FRMPD4: variants seen among roughly 807,000 people sequenced by gnomAD.
FRMPD4 encodes FERM and PDZ domain-containing protein 4.
In FRMPD4, 22 loss-of-function variants were observed where a neutral mutation model predicts 94.1. That is an observed-to-expected ratio of 0.23 (90% CI 0.17 to 0.33). FRMPD4 has a LOEUF of 0.33. Ranked by LOEUF, FRMPD4 falls within the 10% of genes least tolerant of loss-of-function variation. FRMPD4 has a pLI of 1.00. For missense variants in FRMPD4, 1,111 were observed against 1,339.9 expected, an observed-to-expected ratio of 0.83 and a Z score of 2.67; for synonymous variants, 631 against 548.6, an observed-to-expected ratio of 1.15 and a Z score of -2.10.
intron 1 of FRMPD4, among the ~76,000 whole-genome samples, chrX:12,243,168 C>T (rs936764611): frequency 8.9e-6 from 1 of 112,419 alleles, no homozygotes; most frequent in Non-Finnish European, 1.9e-5. Flanking sequence ...AGGTGTGAGC[C>T]ACTGGACCTG....
intron 1 of FRMPD4, among the ~76,000 whole-genome samples, chrX:12,199,267 GTGTA>G (rs200023135): frequency 0.061 from 6,101 of 99,742 alleles, 389 homozygotes; most frequent in East Asian, 0.4. Context: ...GTGTGTGTGT[GTGTA>G]TGTGTGTGTG....
At chrX:12,207,759 C>G (rs1276488088) in intron 1 of FRMPD4, among the ~76,000 whole-genome samples, 1 of 109,725 alleles carries the variant, frequency 9.1e-6, no homozygotes, top group Non-Finnish European at 1.9e-5. Context: ...AGGGGGAATC[C>G]TGGAAATGGA....
At chrX:12,062,293 G>A (rs1021135550) in intron 3 of FRMPD4, among the ~76,000 whole-genome samples, 3 of 111,199 alleles carry the variant, frequency 2.7e-5, no homozygotes, top group Non-Finnish European at 3.8e-5. Flanking sequence ...GTAGCTTTAT[G>A]GTATTCCAAA....
At chrX:12,525,477 C>T (rs2058213191) in intron 2 of FRMPD4, among the ~76,000 whole-genome samples, 1 of 111,615 alleles carries the variant, frequency 9.0e-6, no homozygotes, top group Non-Finnish European at 1.9e-5. Flanking sequence ...TATGTTCCAA[C>T]CTGACTCTGG....
At chrX:12,636,325 A>G (rs1311901964) in intron 4 of FRMPD4, among the ~76,000 whole-genome samples, 1 of 111,077 alleles carries the variant, frequency 9.0e-6, no homozygotes, top group Non-Finnish European at 1.9e-5. Context: ...TCCTATAGCG[A>G]TTTCCACAGC....
intron 4 of FRMPD4, among the ~76,000 whole-genome samples, chrX:12,629,408 G>C (rs575977558): frequency 8.9e-6 from 1 of 111,753 alleles, no homozygotes; most frequent in Non-Finnish European, 1.9e-5. Flanking sequence ...AAAGACATAG[G>C]GGGGTAGAAG....
chrX:12,597,329 T>C (rs1435262179), intron 2 of FRMPD4, among the ~76,000 whole-genome samples: 1 of 112,176 alleles, frequency 8.9e-6, no homozygotes, highest in African/African-American at 3.2e-5. Flanking sequence ...AGGACAAAAA[T>C]CTCTCTGGGT....
At chrX:12,184,722 A>T (rs764075996) in intron 1 of FRMPD4, among the ~76,000 whole-genome samples, 1 of 111,983 alleles carries the variant, frequency 8.9e-6, no homozygotes, top group East Asian at 2.8e-4. Flanking sequence ...AATAAGCCAG[A>T]CACAGAAACA....
At chrX:12,345,367 GATCTAT>G (rs2055690089) in intron 1 of FRMPD4, among the ~76,000 whole-genome samples, 1 of 111,673 alleles carries the variant, frequency 9.0e-6, no homozygotes, top group Non-Finnish European at 1.9e-5. Flanking sequence ...TTGCCTTTCA[GATCTAT>G]TTTAGCATCA....
chrX:11,954,083 C>G (rs2054241145), intron 3 of FRMPD4, among the ~76,000 whole-genome samples: 1 of 112,274 alleles, frequency 8.9e-6, no homozygotes, highest in Admixed American at 9.4e-5. Context: ...AACCTCTTAG[C>G]ATTTATCTAA....
chrX:12,289,857 C>A (rs907635967), intron 1 of FRMPD4, among the ~76,000 whole-genome samples: 4 of 111,997 alleles, frequency 3.6e-5, no homozygotes, highest in Non-Finnish European at 7.5e-5. Flanking sequence ...CAGATAAATA[C>A]AGTATTTCCT....
intron 5 of FRMPD4, among the ~76,000 whole-genome samples, chrX:12,676,215 C>T (rs1212678088): frequency 8.9e-6 from 1 of 112,162 alleles, no homozygotes; most frequent in Non-Finnish European, 1.9e-5. Context: ...CATAGCTGCT[C>T]AGAACCTTGG....
Position 12,612,199 on chromosome X carries a change from G to A in FRMPD4, c.319+2318G>A, listed in dbSNP as rs145028633. Among the ~76,000 whole-genome samples, 199 of 111,679 alleles carry A rather than the reference G, an allele frequency of 1.8e-3. 1 individual carries two copies. The highest frequency in any genetic ancestry group is 6.2e-3 in the African/African-American group (191 of 30,790). ...GATTATGAGATTCTCCGAAGTATGT[G>A]TCTTCCCAGGAGCTGAATGAAGATT... On this transcript the variant is annotated intron_variant, in intron 3 of 16. Coordinates refer to ENST00000675598, the MANE Select transcript of FRMPD4 (RefSeq NM_001368397.1).
chrX:12,113,699 G>A (rs1601947544), intron 3 of FRMPD4, among the ~76,000 whole-genome samples: 1 of 112,061 alleles, frequency 8.9e-6, no homozygotes, highest in African/African-American at 3.2e-5. Context: ...AAGTCCTTTC[G>A]CCATGTAAGG....
intron 4 of FRMPD4, among the ~76,000 whole-genome samples, chrX:12,628,331 G>C (rs941302401): frequency 2.8e-4 from 31 of 111,768 alleles, no homozygotes; most frequent in Middle Eastern, 4.6e-3. Context: ...ACCCACTCCT[G>C]GGTCACATCA....
intron 4 of FRMPD4, among the ~76,000 whole-genome samples, chrX:12,660,508 A>C (rs1466479765): frequency 8.9e-6 from 1 of 112,182 alleles, no homozygotes; most frequent in Non-Finnish European, 1.9e-5. Flanking sequence ...GGTTTGTTTT[A>C]ATGGAGGTCA....
chrX:11,900,347 G>C (rs1424820525), intron 3 of FRMPD4, among the ~76,000 whole-genome samples: 1 of 111,580 alleles, frequency 9.0e-6, no homozygotes, highest in Non-Finnish European at 1.9e-5. Flanking sequence ...AAAGGGTATA[G>C]GTTGAGGAAA....
rs138031441 is a variant in FRMPD4 at position 11,877,639 on chromosome X, G to A, written c.-29-256G>A. ...ATAAGTAGTCTGTACATCTTTACTC[G>A]TGGTCAGGAAAAAAGTTCCTGTTAA... is the stretch of plus-strand genomic sequence containing the variant. On this transcript the variant is annotated intron_variant, in intron 2 of 18. Coordinates refer to the FRMPD4 transcript ENST00000640291. Among the ~76,000 whole-genome samples, 164 of 111,676 alleles carry A rather than the reference G, an allele frequency of 1.5e-3. 2 individuals are homozygous for A. In the East Asian group the frequency reaches 0.021, roughly 14 times the overall value.
intron 1 of FRMPD4, among the ~76,000 whole-genome samples, chrX:12,143,717 C>T (rs180678536): frequency 2.1e-4 from 24 of 111,772 alleles, no homozygotes; most frequent in African/African-American, 4.9e-4. Flanking sequence ...AGCACACATG[C>T]GGGCACACAC....
Sources: gnomAD v4.1 joint callset for allele counts (sites outside exome capture counted in the v4.1 genomes callset) on GRCh38, gnomAD v4.1.1 for gene constraint, MANE v1.5 for transcripts, NCBI Gene and HGNC (gene_info 2026-07-23, HGNC 2026-07-21) for gene names.